Variants in CAMK1D observed in about 807,000 individuals in gnomAD.
CAMK1D encodes the protein calcium/calmodulin dependent protein kinase ID.
A neutral mutation model predicts 47.7 loss-of-function variants in CAMK1D; 9 were observed. That is an observed-to-expected ratio of 0.19 (90% confidence interval 0.11 to 0.33). CAMK1D has a LOEUF of 0.33. Ranked by LOEUF, CAMK1D falls within the 10% of genes least tolerant of loss-of-function variation. The pLI, the probability that CAMK1D is intolerant of heterozygous loss-of-function variation, is 1.00. For missense variants in CAMK1D, 291 were observed against 488.7 expected, an observed-to-expected ratio of 0.60 and a Z score of 3.81; for synonymous variants, 184 against 184.9, an observed-to-expected ratio of 0.99 and a Z score of 0.04.
rs537696800 is a variant in CAMK1D, at chr10:12,505,061, T to G, written c.93-48164T>G. Among the ~76,000 whole-genome samples, 664 of 152,334 alleles carry G rather than the reference T, an allele frequency of 4.4e-3. 5 individuals carry two copies. The highest frequency in any genetic ancestry group is 0.015 in the African/African-American group (613 of 41,560). Reference sequence around the variant, plus strand: ...GCAGTCAGGTACCATCATCATTTTGTTTTAGTTCTTGGCATTTTCCTCCCT... The same window carrying G: ...GCAGTCAGGTACCATCATCATTTTGGTTTAGTTCTTGGCATTTTCCTCCCT... On this transcript the variant is annotated intron_variant, in intron 1 of 10. Coordinates refer to ENST00000619168, the MANE Select transcript of CAMK1D (RefSeq NM_153498.4).
intron 3 of CAMK1D, among the ~76,000 whole-genome samples, chr10:12,743,218 G>T (rs1835509401): frequency 6.6e-6 from 1 of 151,848 alleles, no homozygotes; most frequent in African/African-American, 2.4e-5. Flanking sequence ...ATGGTGGCAG[G>T]CACCTGTAAT....
intron 1 of CAMK1D, among the ~76,000 whole-genome samples, chr10:12,497,993 C>T (rs771319123): frequency 1.3e-5 from 2 of 152,136 alleles, no homozygotes; most frequent in Non-Finnish European, 2.9e-5. Context: ...GGCAAGAGAA[C>T]GTGTGCACGG....
intron 1 of CAMK1D, among the ~76,000 whole-genome samples, chr10:12,524,572 T>G (rs1314491851): frequency 6.6e-6 from 1 of 151,974 alleles, no homozygotes; most frequent in Non-Finnish European, 1.5e-5. Flanking sequence ...CTGAGTGTGA[T>G]GGCGGGTACC....
chr10:12,811,040 C>T (rs969976777), intron 6 of CAMK1D, among the ~76,000 whole-genome samples: 6 of 152,114 alleles, frequency 3.9e-5, no homozygotes, highest in East Asian at 1.9e-4. Flanking sequence ...AAGACAGACC[C>T]GAAGCTGGGA....
intron 2 of CAMK1D, among the ~76,000 whole-genome samples, chr10:12,665,626 C>T (rs1394723469): frequency 1.3e-5 from 2 of 152,216 alleles, no homozygotes; most frequent in Non-Finnish European, 2.9e-5. Flanking sequence ...CTAATTATCA[C>T]CTTGAGTAAT....
chr10:12,800,220 A>G (rs1037881393), intron 6 of CAMK1D, among the ~76,000 whole-genome samples: 2 of 152,236 alleles, frequency 1.3e-5, no homozygotes, highest in Non-Finnish European at 2.9e-5. Context: ...ACGTTTTTAT[A>G]ACGATTCAGG....
chr10:12,427,700 G>GTTTTGTTTTTTTTTTTTTTTTTTTTTT (rs1840283911), intron 1 of CAMK1D, among the ~76,000 whole-genome samples: 1 of 31,030 alleles, frequency 3.2e-5, no homozygotes, highest in Non-Finnish European at 6.2e-5. Context: ...TGAACTTACT[G>GTTTTGTTTTTTTTTTTTTTTTTTTTTT]TTTTTTTTTT....
intron 2 of CAMK1D, among the ~76,000 whole-genome samples, chr10:12,616,210 G>A (rs899497855): frequency 1.3e-5 from 2 of 152,140 alleles, no homozygotes; most frequent in African/African-American, 4.8e-5. Context: ...TTAAAATATG[G>A]CTAACGGTAA....
intron 2 of CAMK1D, among the ~76,000 whole-genome samples, chr10:12,620,208 A>AT (rs1402910139): frequency 5.3e-5 from 8 of 149,968 alleles, no homozygotes; most frequent in Non-Finnish European, 1.0e-4. Flanking sequence ...AAAAAAAAAA[A>AT]AAAAAAAAAA....
intron 8 of CAMK1D, among the ~76,000 whole-genome samples, chr10:12,817,935 T>C (rs1360658330): frequency 1.3e-5 from 2 of 152,252 alleles, no homozygotes; most frequent in Middle Eastern, 3.4e-3. Flanking sequence ...GTGATCCACC[T>C]GTTTCGGCCT....
intron 1 of CAMK1D, among the ~76,000 whole-genome samples, chr10:12,418,943 T>C (rs2801480): frequency 0.68 from 103,547 of 152,034 alleles, 35,544 homozygotes; most frequent in African/African-American, 0.77. Context: ...AAGGCCTCAG[T>C]CGCGGGCGTG....
intron 3 of CAMK1D, among the ~76,000 whole-genome samples, chr10:12,695,020 C>A (rs1833209714): frequency 8.8e-6 from 1 of 113,092 alleles, no homozygotes; most frequent in Non-Finnish European, 1.8e-5. Context: ...AAATAAATCT[C>A]TCGATAGATA....
intron 2 of CAMK1D, among the ~76,000 whole-genome samples, chr10:12,589,003 T>C (rs1259820185): frequency 6.6e-6 from 1 of 152,000 alleles, no homozygotes; most frequent in Non-Finnish European, 1.5e-5. Context: ...AGGGACACAT[T>C]ATATACACAC....
chr10:12,481,186 G>A (rs1269318726), intron 1 of CAMK1D, among the ~76,000 whole-genome samples: 1 of 152,144 alleles, frequency 6.6e-6, no homozygotes, highest in Non-Finnish European at 1.5e-5. Flanking sequence ...AATTACTCCT[G>A]TAAATAACAT....
At chr10:12,459,228 T>TA (rs540304063) in intron 1 of CAMK1D, among the ~76,000 whole-genome samples, 6 of 152,098 alleles carry the variant, frequency 3.9e-5, no homozygotes, top group Admixed American at 2.6e-4. Context: ...AAGTTTCAAA[T>TA]AAAAAAAACC....
intron 1 of CAMK1D, among the ~76,000 whole-genome samples, chr10:12,380,467 A>G (rs369848450): frequency 8.5e-5 from 13 of 152,354 alleles, no homozygotes; most frequent in South Asian, 6.2e-4. Context: ...TATGAAGCTG[A>G]TAACATAATT....
intron 2 of CAMK1D, among the ~76,000 whole-genome samples, chr10:12,601,622 T>C (rs1223891481): frequency 6.6e-6 from 1 of 152,028 alleles, no homozygotes; most frequent in African/African-American, 2.4e-5. Flanking sequence ...CGCCACCACG[T>C]CTGGCTGGTT....
intron 1 of CAMK1D, among the ~76,000 whole-genome samples, chr10:12,427,700 G>GTTTTTTTTGTTT (rs1840285327): frequency 3.2e-5 from 1 of 31,030 alleles, no homozygotes; most frequent in African/African-American, 1.1e-4. Context: ...TGAACTTACT[G>GTTTTTTTTGTTT]TTTTTTTTTT....
intron 2 of CAMK1D, among the ~76,000 whole-genome samples, chr10:12,645,179 C>T (rs146855003): frequency 1.9e-4 from 29 of 150,876 alleles, no homozygotes; most frequent in African/African-American, 7.1e-4. Flanking sequence ...TGTTCCCACA[C>T]TTTGTGCTTG....
Sources: gnomAD v4.1 joint callset for allele counts (sites outside exome capture counted in the v4.1 genomes callset) on GRCh38, gnomAD v4.1.1 for gene constraint, MANE v1.5 for transcripts, NCBI Gene and HGNC (gene_info 2026-07-23, HGNC 2026-07-21) for gene names.